The following SLC17A7 variants were observed in gnomAD, a reference collection of about 807,000 sequenced individuals.
SLC17A7 encodes vesicular glutamate transporter 1.
A neutral mutation model predicts 59.1 loss-of-function variants in SLC17A7; 15 were observed. The ratio of observed to expected loss-of-function variants is 0.25; its 90% CI spans 0.17 to 0.39. The LOEUF is 0.39. Among genes scored for constraint, SLC17A7 ranks in the 10% least tolerant of loss-of-function variants. The pLI is 1.00. For synonymous variants in SLC17A7, 353 were observed against 308.9 expected (o/e 1.14, Z -1.50); for missense variants, 499 against 765.1 (o/e 0.65, Z 4.10).
Position 49,430,372 on chromosome 19 carries a change from AG to A in SLC17A7, c.*146del, listed in dbSNP as rs1284085236. ...CCTGAGAGGCAATTGGGAAGGAAAG[AG>A]GATTTGACAGCACTGGGAACAAGGG... On this transcript the variant is annotated 3_prime_UTR_variant, in exon 12 of 12. Transcript: ENST00000221485. 1 of 575,042 alleles carries A rather than the reference AG, an allele frequency of 1.7e-6. No individual in the cohort carries two copies. Among genetic ancestry groups the A allele is most frequent in the Non-Finnish European group, 3.0e-6 (1 of 334,406 alleles). The allele number at this position is 575,042 out of a possible 1,614,324, so 35.6% of individuals were successfully genotyped here.
In SLC17A7 at chr19:49,437,214, C is replaced by T. The variant is rs894433855; in HGVS notation, c.63-413G>A. On this transcript the variant is annotated intron_variant, in intron 1 of 11. Transcript: ENST00000221485. Reference sequence around the variant, plus strand: ...AAAAGGTGCTAAGGAGATGCTTCAGCAAAGGTGTCAAAAGAACAGATGCTT... The same window carrying T: ...AAAAGGTGCTAAGGAGATGCTTCAGTAAAGGTGTCAAAAGAACAGATGCTT... The T allele has an allele frequency of 2.9e-5, 6 of 207,746 alleles. No homozygotes were observed. In the South Asian group the frequency reaches 5.4e-4, roughly 19 times the overall value. 12.9% of individuals were successfully genotyped at this position (207,746 alleles called of 1,614,324 possible). A position where few individuals can be genotyped will look rare whatever the true frequency, so the allele number is the denominator to read the frequency against.
At chr19:49,440,467 G>A (rs992277034) in intron 1 of SLC17A7, among the ~76,000 whole-genome samples, 8 of 152,162 alleles carry the variant, frequency 5.3e-5, no homozygotes, top group South Asian at 4.1e-4. Context: ...AGGGACACTC[G>A]GTTCACTGGG....
In SLC17A7 at chr19:49,432,579, A is replaced by T; in HGVS notation, c.1090T>A (p.Phe364Ile). The change falls in exon 9 of 12, where the codon TTC (phenylalanine) becomes ATC (isoleucine). Residue 364 changes from phenylalanine to isoleucine, a missense_variant. Physicochemically the swap from Phe to Ile is conservative, Grantham distance 21 (BLOSUM62 0). This residue lies in a region of SLC17A7 where 323 missense variants were observed against 607.2 expected (regional missense o/e 0.53). Coordinates refer to ENST00000221485, the MANE Select transcript of SLC17A7 (RefSeq NM_020309.4). ...IVPIGGQIADFLRSRRIMSTT... is the reference protein window; with the variant it reads ...IVPIGGQIADILRSRRIMSTT... ...GACATGATGCGGCGGCTCCGCAGGA[A>T]GTCCGCGATCTGGCCGCCGATGGGC... is the stretch of plus-strand genomic sequence containing the variant. 2 of 1,611,592 alleles carry T rather than the reference A, an allele frequency of 1.2e-6. No homozygotes were observed. Among genetic ancestry groups the T allele is most frequent in the Non-Finnish European group, 1.7e-6 (2 of 1,179,376 alleles).
chr19:49,430,439 G>A lies in SLC17A7; in HGVS notation c.*80C>T. Reference sequence around the variant, plus strand: ...CCTGAGGCAGGACAGAGAGGAGCAGGGTTCCTTGACACTGTCACTCAGGCC... The same window carrying A: ...CCTGAGGCAGGACAGAGAGGAGCAGAGTTCCTTGACACTGTCACTCAGGCC... On this transcript the variant is annotated 3_prime_UTR_variant, in exon 12 of 12. Coordinates refer to ENST00000221485, the MANE Select transcript of SLC17A7 (RefSeq NM_020309.4). 2.0e-6 allele frequency: 2 copies of A among 1,017,384 alleles called. No individual in the cohort carries two copies. The highest frequency in any genetic ancestry group is 2.9e-6 in the Non-Finnish European group (2 of 694,112). 63.0% of individuals were successfully genotyped at this position (1,017,384 alleles called of 1,614,324 possible). A position where few individuals can be genotyped will look rare whatever the true frequency, so the allele number is the denominator to read the frequency against.
chr19:49,439,405 T>C (rs1178117295), intron 1 of SLC17A7, among the ~76,000 whole-genome samples: 3 of 152,180 alleles, frequency 2.0e-5, no homozygotes, highest in Non-Finnish European at 4.4e-5. Flanking sequence ...AGGAGGCACC[T>C]TGGGTTCTCA....
intron 2 of SLC17A7, chr19:49,435,656 A>C (rs2078977267): frequency 5.7e-6 from 1 of 175,884 alleles, no homozygotes; most frequent in African/African-American, 2.4e-5. Flanking sequence ...GACACGAAGC[A>C]GCCAAGGGGG....
At position 49,438,695 on chromosome 19, in the gene SLC17A7, C is replaced by T. The variant is rs1044814801; in HGVS notation, c.63-1894G>A. Among the ~76,000 whole-genome samples the T allele has an allele frequency of 3.3e-5, 5 of 152,088 alleles. No homozygotes were observed. The East Asian group carries it at 9.7e-4, about 29-fold the overall frequency. The stretch of plus-strand genomic sequence containing the variant: ...ATAGGGGGGATTGAAGCCACTAGGA[C>T]GAATAGTACAGGATGGCAGTAACTC... On this transcript the variant is annotated intron_variant, in intron 1 of 11. Transcript: ENST00000221485.
Position 49,436,490 on chromosome 19 carries a change from G to T in SLC17A7, c.315+59C>A. 1.9e-6 allele frequency: 3 copies of T among 1,582,968 alleles called. No homozygotes were observed. Among genetic ancestry groups the T allele is most frequent in the Admixed American group, 3.4e-5 (2 of 59,362 alleles). The stretch of plus-strand genomic sequence containing the variant: ...GGTGGGTGAGTGTGACGTCATGGGG[G>T]CGTAGGCGGAGCTCGGTGAGCGGGG... On this transcript the variant is annotated intron_variant, in intron 2 of 11. Coordinates refer to ENST00000221485, the MANE Select transcript of SLC17A7 (RefSeq NM_020309.4). The surrounding 1 kb of genome is among the most constrained non-coding windows in gnomAD (Gnocchi z 4.1).
intron 1 of SLC17A7, among the ~76,000 whole-genome samples, chr19:49,440,456 G>A (rs1351555816): frequency 2.0e-5 from 3 of 152,194 alleles, no homozygotes; most frequent in Non-Finnish European, 4.4e-5. Flanking sequence ...AGATTATCCT[G>A]AGGGACACTC....
Position 49,431,460 on chromosome 19 carries a change from G to T in SLC17A7, c.1151-12C>A, listed in dbSNP as rs774579122. 5.6e-6 allele frequency: 9 copies of T among 1,609,960 alleles called. No homozygotes were observed. Among genetic ancestry groups the T allele is most frequent in the African/African-American group, 2.7e-5 (2 of 74,834 alleles). Reference sequence around the variant, plus strand: ...TTCCATGCCGAAGCCTACGGGGGCGGGGGGGGCCCGCGTCTCCTGAGTGTC... The same window carrying T: ...TTCCATGCCGAAGCCTACGGGGGCGTGGGGGGCCCGCGTCTCCTGAGTGTC... On this transcript the variant is annotated splice_polypyrimidine_tract_variant and intron_variant, in intron 9 of 11. Transcript: ENST00000221485. The surrounding 1 kb of genome is among the most constrained non-coding windows in gnomAD (Gnocchi z 4.6).
rs1419881693 is a variant in SLC17A7 at position 49,433,413 on chromosome 19, A to G, written c.867+313T>C. ...CTGCCCTAGGAGTCTCTTTTTATCA[A>G]AAATGCTCCCAAAATACAGCCTCAA... is the stretch of plus-strand genomic sequence containing the variant. On this transcript the variant is annotated intron_variant, in intron 7 of 11. Coordinates refer to ENST00000221485, the MANE Select transcript of SLC17A7 (RefSeq NM_020309.4). This position sits in a 1 kb window ranked among gnomAD's most constrained non-coding sequence, Gnocchi z 5.7. 4.2e-6 allele frequency: 2 copies of G among 481,588 alleles called. No individual in the cohort carries two copies. The highest frequency in any genetic ancestry group is 7.7e-6 in the Non-Finnish European group (2 of 260,522). The allele number at this position is 481,588 out of a possible 1,614,324, so 29.8% of individuals were successfully genotyped here. A position where few individuals can be genotyped will look rare whatever the true frequency, so the allele number is the denominator to read the frequency against.
rs2078953339 is a variant in SLC17A7, at chr19:49,430,331, C to G, written c.*188G>C. Reference sequence around the variant, plus strand: ...TTTGGGTATCCTTGAAACTGTCAGTCTGCAGCTTCACTACCCCTGAGAGGC... The same window carrying G: ...TTTGGGTATCCTTGAAACTGTCAGTGTGCAGCTTCACTACCCCTGAGAGGC... On this transcript the variant is annotated 3_prime_UTR_variant, in exon 12 of 12. Transcript: ENST00000221485. The G allele has an allele frequency of 1.9e-6, 1 of 529,090 alleles. No individual in the cohort carries two copies. The highest frequency in any genetic ancestry group is 1.9e-5 in the African/African-American group (1 of 51,484). The allele number at this position is 529,090 out of a possible 1,614,324, so 32.8% of individuals were successfully genotyped here.
chr19:49,434,677 G>C lies in SLC17A7; in HGVS notation c.562C>G (p.Pro188Ala). ...TTGCTCCAGATCCCATGGCAGGCGG[G>C]GTATGTGACCCCCTAAAGAGGAGAA... ...LQGLVEGVTY[P>A]ACHGIWSKWA... The change falls in exon 5 of 12, where the codon CCC becomes GCC. Residue 188 changes from proline (P) to alanine (A), a missense_variant. Coordinates refer to ENST00000221485, the MANE Select transcript of SLC17A7 (RefSeq NM_020309.4). 6.2e-7 allele frequency: 1 copy of C among 1,614,154 alleles called. No individual in the cohort carries two copies. Among genetic ancestry groups the C allele is most frequent in the Non-Finnish European group, 8.5e-7 (1 of 1,180,010 alleles).
In SLC17A7 at chr19:49,433,099, G is replaced by A. The variant is rs1016301526; in HGVS notation, c.868-139C>T. The A allele has an allele frequency of 6.7e-6, 6 of 891,144 alleles. No homozygotes were observed. The highest frequency in any genetic ancestry group is 5.3e-5 in the East Asian group (2 of 37,568). 55.2% of individuals were successfully genotyped at this position (891,144 alleles called of 1,614,324 possible). A position where few individuals can be genotyped will look rare whatever the true frequency, so the allele number is the denominator to read the frequency against. On this transcript the variant is annotated intron_variant, in intron 7 of 11. Transcript: ENST00000221485. This position sits in a 1 kb window ranked among gnomAD's most constrained non-coding sequence, Gnocchi z 5.7. ...GAAACTTCTATGGACCCAAAGGCGC[G>A]GGCTACACCATGTTGCCGTGGGGAC...
At position 49,431,158 on chromosome 19, in the gene SLC17A7, G is replaced by C; in HGVS notation, c.1262-16C>G. On this transcript the variant is annotated splice_polypyrimidine_tract_variant and intron_variant, in intron 10 of 11. Transcript: ENST00000221485. The surrounding 1 kb of genome is among the most constrained non-coding windows in gnomAD (Gnocchi z 4.6). The stretch of plus-strand genomic sequence containing the variant: ...ACGTTGAACCCTGGCGGAGAGACAA[G>C]TCGGAAGGCGTCACACCGGAATCTC... The C allele has an allele frequency of 6.2e-7, 1 of 1,609,106 alleles. No individual in the cohort carries two copies. The highest frequency in any genetic ancestry group is 8.5e-7 in the Non-Finnish European group (1 of 1,176,974).
Position 49,436,191 on chromosome 19 carries a change from GAT to G in SLC17A7, c.315+356_315+357del, listed in dbSNP as rs2122301547. 1 of 287,364 alleles carries G rather than the reference GAT, an allele frequency of 3.5e-6. No homozygotes were observed. The highest frequency in any genetic ancestry group is 6.7e-6 in the Non-Finnish European group (1 of 149,838). 17.8% of individuals were successfully genotyped at this position (287,364 alleles called of 1,614,324 possible). On this transcript the variant is annotated intron_variant, in intron 2 of 11. Transcript: ENST00000221485. The surrounding 1 kb of genome is among the most constrained non-coding windows in gnomAD (Gnocchi z 4.1). ...CCTGAGATGGGACTGAGATTAAATA[GAT>G]GTGACCCGGGGACATGAGCTTGGGG...
rs1252525791 is a variant in SLC17A7, at chr19:49,429,862, C to T, written c.*657G>A. ...GTTAAAATTGCGATTTTGGTTGTTT[C>T]CCCAGACATTATGCTAAGCTAGGGA... On this transcript the variant is annotated 3_prime_UTR_variant, in exon 12 of 12. Transcript: ENST00000221485. 1 of 309,640 alleles carries T rather than the reference C, an allele frequency of 3.2e-6. No individual in the cohort carries two copies. Among genetic ancestry groups the T allele is most frequent in the Admixed American group, 5.0e-5 (1 of 19,852 alleles). The allele number at this position is 309,640 out of a possible 1,614,324, so 19.2% of individuals were successfully genotyped here.
Position 49,429,661 on chromosome 19 carries a change from G to T in SLC17A7, c.*858C>A. The stretch of plus-strand genomic sequence containing the variant: ...CAAATGGCCACTGAGAAACAGGGTA[G>T]TTCGAAACCACCCAGGAGAATAAAG... On this transcript the variant is annotated 3_prime_UTR_variant, in exon 12 of 12. Coordinates refer to ENST00000221485, the MANE Select transcript of SLC17A7 (RefSeq NM_020309.4). The T allele has an allele frequency of 2.5e-6, 1 of 398,482 alleles. No individual in the cohort carries two copies. 24.7% of individuals were successfully genotyped at this position (398,482 alleles called of 1,614,324 possible). A position where few individuals can be genotyped will look rare whatever the true frequency, so the allele number is the denominator to read the frequency against.
At chr19:49,432,763 T>G (rs1600984456) in intron 8 of SLC17A7, 48 bp downstream of exon 8, 3 of 1,549,838 alleles carry the variant, frequency 1.9e-6, no homozygotes, top group Non-Finnish European at 2.6e-6. Context: ...GCCAGTTCCC[T>G]CCCGCCGACC....
Sources: allele counts gnomAD v4.1 joint callset (sites outside exome capture counted in the v4.1 genomes callset), GRCh38; gene constraint gnomAD v4.1.1; regional missense constraint gnomAD v4.1.1; non-coding constraint Gnocchi (gnomAD v3.1); transcripts MANE v1.5; gene names NCBI Gene and HGNC (gene_info 2026-07-23, HGNC 2026-07-21).